Variants in CCDC85A observed in about 807,000 individuals in gnomAD.
CCDC85A encodes the protein coiled-coil domain-containing protein 85A.
A neutral mutation model predicts 50.2 loss-of-function variants in CCDC85A; 38 were observed. The ratio of observed to expected loss-of-function variants is 0.76; its 90% CI spans 0.58 to 0.99. The LOEUF (loss-of-function observed/expected upper bound fraction) is 0.99, where lower values mean the gene tolerates loss of function less well. Among genes scored for constraint, CCDC85A ranks in the 50% least tolerant of loss-of-function variants. The probability of loss-of-function intolerance (pLI) is 0.00; values close to 1 mark genes in which losing one functional copy is unlikely to be tolerated. For synonymous variants in CCDC85A, 366 were observed against 301.4 expected, an observed-to-expected ratio of 1.21 and a Z score of -2.22; for missense variants, 820 against 742.0, an observed-to-expected ratio of 1.11 and a Z score of -1.22.
At chr2:56,204,813 G>C (rs904646093) in intron 2 of CCDC85A, among the ~76,000 whole-genome samples, 7 of 152,208 alleles carry the variant, frequency 4.6e-5, no homozygotes, top group Non-Finnish European at 2.9e-5. Flanking sequence ...CTGGTCAGAA[G>C]CCTGTCAGGA....
chr2:56,237,154 C>T (rs972322856), intron 2 of CCDC85A, among the ~76,000 whole-genome samples: 4 of 152,138 alleles, frequency 2.6e-5, no homozygotes, highest in African/African-American at 4.8e-5. Context: ...TTCACCAAGA[C>T]GGCTAACTGC....
chr2:56,323,063 A>T (rs1026190551), intron 2 of CCDC85A, among the ~76,000 whole-genome samples: 1 of 152,086 alleles, frequency 6.6e-6, no homozygotes, highest in African/African-American at 2.4e-5. Context: ...CAAATACCGC[A>T]TGTTCTCACT....
chr2:56,381,082 GAGACTT>G (rs1308101223), intron 5 of CCDC85A, among the ~76,000 whole-genome samples: 1 of 152,052 alleles, frequency 6.6e-6, no homozygotes, highest in East Asian at 1.9e-4. Context: ...GTGCTGGAAT[GAGACTT>G]GTAGTCTCTT....
intron 2 of CCDC85A, among the ~76,000 whole-genome samples, chr2:56,287,599 G>T (rs772313062): frequency 6.6e-6 from 1 of 152,150 alleles, no homozygotes; most frequent in Non-Finnish European, 1.5e-5. Flanking sequence ...TTTGTGGAAT[G>T]CATATTAGAG....
chr2:56,360,446 T>A lies in CCDC85A; in HGVS notation c.1318-11898T>A, dbSNP rs549820985. ...GCAAAAATGCTTTTCATTTTTTTTT[T>A]AAAAAGACATCTCTAACCAGCCTCG... is the stretch of plus-strand genomic sequence containing the variant. On this transcript the variant is annotated intron_variant, in intron 3 of 5. Transcript: ENST00000407595. Among the ~76,000 whole-genome samples, 41 of 152,248 alleles carry A rather than the reference T, an allele frequency of 2.7e-4. No individual in the cohort carries two copies. In the South Asian group the frequency reaches 7.3e-3, roughly 27 times the overall value.
chr2:56,294,532 C>G (rs1218520151), intron 2 of CCDC85A, among the ~76,000 whole-genome samples: 3 of 152,180 alleles, frequency 2.0e-5, no homozygotes, highest in Non-Finnish European at 4.4e-5. Flanking sequence ...ACTCACTGAC[C>G]TTGATCTAGG....
At chr2:56,266,366 T>A (rs1670439446) in intron 2 of CCDC85A, among the ~76,000 whole-genome samples, 1 of 152,170 alleles carries the variant, frequency 6.6e-6, no homozygotes, top group Admixed American at 6.5e-5. Flanking sequence ...GCCCAGGGGT[T>A]TGAATCCAGC....
chr2:56,356,281 C>T (rs7565983), intron 3 of CCDC85A, among the ~76,000 whole-genome samples: 108,977 of 151,578 alleles, frequency 0.72, 39,357 homozygotes, highest in East Asian at 0.93. Flanking sequence ...GAGTTTTAAG[C>T]AAAGGGGCCT....
At chr2:56,279,256 A>G (rs1223247947) in intron 2 of CCDC85A, among the ~76,000 whole-genome samples, 2 of 152,206 alleles carry the variant, frequency 1.3e-5, no homozygotes, top group African/African-American at 4.8e-5. Context: ...TTTAAAAAAA[A>G]TTTTATGGAG....
intron 3 of CCDC85A, among the ~76,000 whole-genome samples, chr2:56,354,352 A>G (rs1161635611): frequency 2.6e-5 from 4 of 152,254 alleles, no homozygotes; most frequent in Non-Finnish European, 5.9e-5. Flanking sequence ...GTGAAGCTAC[A>G]TAGAGGAGAA....
intron 3 of CCDC85A, among the ~76,000 whole-genome samples, chr2:56,358,282 TTAA>T (rs1381988418): frequency 6.6e-6 from 1 of 152,230 alleles, no homozygotes; most frequent in Non-Finnish European, 1.5e-5. Context: ...GTTCATTTCT[TTAA>T]TAATGTTTTA....
At chr2:56,278,433 G>A (rs752280173) in intron 2 of CCDC85A, among the ~76,000 whole-genome samples, 40 of 152,184 alleles carry the variant, frequency 2.6e-4, no homozygotes, top group Admixed American at 7.9e-4. Flanking sequence ...ACTTTTAGAC[G>A]CATAGCAAAG....
At chr2:56,362,059 G>T (rs1015232412) in intron 3 of CCDC85A, among the ~76,000 whole-genome samples, 17 of 152,118 alleles carry the variant, frequency 1.1e-4, no homozygotes, top group African/African-American at 4.1e-4. Context: ...AATGTGGACT[G>T]TAAAGGAAAG....
intron 2 of CCDC85A, among the ~76,000 whole-genome samples, chr2:56,261,252 T>G (rs888768675): frequency 1.3e-5 from 2 of 152,204 alleles, no homozygotes; most frequent in Non-Finnish European, 2.9e-5. Flanking sequence ...AGACTATACC[T>G]TATAGAGAGA....
Position 56,315,054 on chromosome 2 carries a change from G to C in CCDC85A, c.1241-27825G>C, listed in dbSNP as rs536323146. The stretch of plus-strand genomic sequence containing the variant: ...ACTTCTCTTTCTCCCATCCCCCTTT[G>C]CTTCATCTGTCACAGGCTTCTGGAA... On this transcript the variant is annotated intron_variant, in intron 2 of 5. Coordinates refer to ENST00000407595, the MANE Select transcript of CCDC85A (RefSeq NM_001080433.2). Among the ~76,000 whole-genome samples, 10 of 152,126 alleles carry C rather than the reference G, an allele frequency of 6.6e-5. No homozygotes were observed. The East Asian group carries it at 1.9e-3, about 29-fold the overall frequency.
intron 2 of CCDC85A, among the ~76,000 whole-genome samples, chr2:56,322,041 G>C (rs1305168068): frequency 6.6e-6 from 1 of 152,180 alleles, no homozygotes; most frequent in African/African-American, 2.4e-5. Context: ...AAGAAATGGG[G>C]AAAGGATTCC....
chr2:56,350,175 T>A (rs1674844084), intron 3 of CCDC85A, among the ~76,000 whole-genome samples: 1 of 150,208 alleles, frequency 6.7e-6, no homozygotes, highest in Admixed American at 6.6e-5. Flanking sequence ...TTCTCTTATT[T>A]TTTTTTTTTG....
chr2:56,381,353 T>C (rs547200029), intron 5 of CCDC85A, among the ~76,000 whole-genome samples: 1 of 152,072 alleles, frequency 6.6e-6, no homozygotes, highest in East Asian at 1.9e-4. Context: ...CTATTGACTA[T>C]GGAATGAGAG....
At chr2:56,289,791 T>C (rs1380552156) in intron 2 of CCDC85A, among the ~76,000 whole-genome samples, 3 of 152,234 alleles carry the variant, frequency 2.0e-5, no homozygotes, top group African/African-American at 7.2e-5. Flanking sequence ...TTTAATGGTT[T>C]TATTATTTTT....
Sources: allele counts gnomAD v4.1 joint callset (sites outside exome capture counted in the v4.1 genomes callset), GRCh38; gene constraint gnomAD v4.1.1; transcripts MANE v1.5; gene names NCBI Gene and HGNC (gene_info 2026-07-23, HGNC 2026-07-21).